The following TRIM49C variants were observed in gnomAD, a reference collection of about 807,000 sequenced individuals.
TRIM49C encodes tripartite motif-containing protein 49C.
In TRIM49C, 6 loss-of-function variants were observed where a neutral mutation model predicts 21.4. The observed-to-expected ratio is 0.28, with a 90% confidence interval of 0.15 to 0.55. The LOEUF is 0.55. TRIM49C is among the 20% of genes least tolerant of loss of function. The probability of loss-of-function intolerance (pLI) is 0.94; values close to 1 mark genes in which losing one functional copy is unlikely to be tolerated. For missense variants in TRIM49C, 161 were observed against 442.4 expected, an observed-to-expected ratio of 0.36 and a Z score of 5.71; for synonymous variants, 57 against 148.1, an observed-to-expected ratio of 0.38 and a Z score of 4.47.
At chr11:90,047,067 G>T in the TRIM49C span, among the ~76,000 whole-genome samples, 3 of 123,374 alleles carry the variant, frequency 2.4e-5, no homozygotes, top group Non-Finnish European at 4.9e-5. Context: ...TTTCCATGTA[G>T]TTGAGCGGTT....
chr11:90,031,976 A>C lies in TRIM49C; in HGVS notation c.-190-421A>C, dbSNP rs1194002004. Among the ~76,000 whole-genome samples, 2 of 135,948 alleles carry C rather than the reference A, an allele frequency of 1.5e-5. 1 individual carries two copies. The highest frequency in any genetic ancestry group is 3.2e-5 in the Non-Finnish European group (2 of 62,816). The allele number at this position is 135,948 out of a possible 152,430, so 89.2% of individuals were successfully genotyped here. A position where few individuals can be genotyped will look rare whatever the true frequency, so the allele number is the denominator to read the frequency against. On this transcript the variant is annotated intron_variant, in intron 1 of 7. Coordinates refer to ENST00000448984, the MANE Select transcript of TRIM49C (RefSeq NM_001195234.1). ...TACACTGACGTTACCAAAAATTTCAACAAAAAAAATTAGCCAGGTGATATA... is the reference window on the plus strand; with the variant it reads ...TACACTGACGTTACCAAAAATTTCACCAAAAAAAATTAGCCAGGTGATATA...
downstream of TRIM49C, among the ~76,000 whole-genome samples, chr11:90,043,223 C>T (rs1485104281): frequency 2.1e-5 from 3 of 145,338 alleles, no homozygotes; most frequent in African/African-American, 7.5e-5. Context: ...CCAGGAGTTC[C>T]AGACCAGTGG....
the TRIM49C span, among the ~76,000 whole-genome samples, chr11:90,070,724 T>C: frequency 2.1e-5 from 3 of 141,076 alleles, no homozygotes; most frequent in African/African-American, 5.1e-5. Flanking sequence ...GCAGTGATAG[T>C]ATGTGGTAAT....
At chr11:90,043,160 C>A (rs1950780910), downstream of TRIM49C, among the ~76,000 whole-genome samples, 1 of 144,040 alleles carries the variant, frequency 6.9e-6, no homozygotes, top group Non-Finnish European at 1.5e-5. Context: ...CATGGTGGCA[C>A]ACACCTCCAA....
At chr11:90,071,413 C>A in the TRIM49C span, among the ~76,000 whole-genome samples, 6,310 of 140,704 alleles carry the variant, frequency 0.045, 1,059 homozygotes, top group Non-Finnish European at 0.065. Flanking sequence ...GAGTTCAATG[C>A]AGGAGTTGCT....
the TRIM49C span, chr11:90,057,775 G>C: frequency 9.0e-7 from 1 of 1,114,446 alleles, no homozygotes; most frequent in Non-Finnish European, 1.2e-6. Context: ...ATTAAAGGTG[G>C]AGAGTTGGTG....
downstream of TRIM49C, among the ~76,000 whole-genome samples, chr11:90,046,232 A>G (rs1950800693): frequency 8.0e-6 from 1 of 125,736 alleles, no homozygotes; most frequent in African/African-American, 3.2e-5. Flanking sequence ...ATATTGGTCT[A>G]AAATTCTCTT....
chr11:90,073,142 A>G, the TRIM49C span: 3 of 1,067,710 alleles, frequency 2.8e-6, no homozygotes, highest in Admixed American at 2.3e-5. Flanking sequence ...GAATAGCACA[A>G]TGTTTAACTC....
chr11:90,052,992 AG>A, the TRIM49C span: 2 of 140,426 alleles, frequency 1.4e-5, no homozygotes, highest in Admixed American at 7.7e-5. Flanking sequence ...CCTACTGAGA[AG>A]GGTTCCTGGC....
At chr11:90,065,910 A>C in the TRIM49C span, among the ~76,000 whole-genome samples, 115 of 135,840 alleles carry the variant, frequency 8.5e-4, 5 homozygotes, top group African/African-American at 2.9e-3. Flanking sequence ...GAGCCGAGAT[A>C]GCACCACTGC....
At chr11:90,056,328 T>C in the TRIM49C span, among the ~76,000 whole-genome samples, 1 of 128,948 alleles carries the variant, frequency 7.8e-6, no homozygotes, top group Non-Finnish European at 1.7e-5. Flanking sequence ...TTTATACCAC[T>C]TTATGCTTAG....
the TRIM49C span, chr11:90,071,121 G>C: frequency 4.1e-6 from 2 of 492,370 alleles, 1 homozygote; most frequent in Non-Finnish European, 8.0e-6. Flanking sequence ...TAAAGGAGTC[G>C]TTTTCTCTCT....
In TRIM49C at chr11:90,041,286, G is replaced by T; in HGVS notation, c.1095G>T (p.Lys365Asn). 1 of 1,588,552 alleles carries T rather than the reference G, an allele frequency of 6.3e-7. No homozygotes were observed. The highest frequency in any genetic ancestry group is 1.1e-5 in the South Asian group (1 of 88,254). The part of the protein sequence containing the change: ...FGVCNMYRKE[K>N]NQNEKIDGKE... ...TCTGTAATATGTATCGGAAGGAGAA[G>T]AATCAGAATGAGAAGATAGATGGAA... The change falls in exon 8 of 8, where the codon AAG becomes AAT. Residue 365 changes from lysine to asparagine, a missense_variant. Physicochemically the swap from Lys to Asn is moderately conservative, Grantham distance 94 (BLOSUM62 0). This residue lies in a region of TRIM49C where 63 missense variants were observed against 67.6 expected (regional missense o/e 0.93). Transcript: ENST00000448984.
the TRIM49C span, among the ~76,000 whole-genome samples, chr11:90,056,911 G>A: frequency 6.8e-6 from 1 of 147,168 alleles, no homozygotes; most frequent in African/African-American, 2.6e-5. Flanking sequence ...TAATAACTAG[G>A]ATGTTGAGAA....
the TRIM49C span, among the ~76,000 whole-genome samples, chr11:90,070,926 T>C: frequency 7.1e-6 from 1 of 140,094 alleles, no homozygotes; most frequent in African/African-American, 2.6e-5. Flanking sequence ...CCCTAGTAGC[T>C]GGGACTAAAA....
downstream of TRIM49C, among the ~76,000 whole-genome samples, chr11:90,043,809 G>C (rs1431431415): frequency 8.4e-6 from 1 of 119,690 alleles, no homozygotes; most frequent in Non-Finnish European, 1.7e-5. Context: ...TTAAGTTCTA[G>C]GGTACATGTG....
Position 90,037,059 on chromosome 11 carries a change from G to A in TRIM49C, c.508-690G>A, listed in dbSNP as rs1351112978. On this transcript the variant is annotated intron_variant, in intron 4 of 7. Coordinates refer to ENST00000448984, the MANE Select transcript of TRIM49C (RefSeq NM_001195234.1). ...TGTGTATATGTATGTATGTGTGTGT[G>A]GTTGTGTGTATATATGTATGTATGT... Among the ~76,000 whole-genome samples, 3 of 75,910 alleles carry A rather than the reference G, an allele frequency of 4.0e-5. 1 individual carries two copies. Among genetic ancestry groups the A allele is most frequent in the Admixed American group, 4.3e-4 (2 of 4,668 alleles). The allele number at this position is 75,910 out of a possible 152,430, so 49.8% of individuals were successfully genotyped here.
chr11:90,039,318 G>A (rs2134821092), intron 6 of TRIM49C, among the ~76,000 whole-genome samples: 1 of 129,794 alleles, frequency 7.7e-6, no homozygotes, highest in Non-Finnish European at 1.6e-5. Flanking sequence ...GGAGAGAAGA[G>A]GAGGAAGTAT....
chr11:90,063,280 T>G, the TRIM49C span, among the ~76,000 whole-genome samples: 3 of 126,540 alleles, frequency 2.4e-5, 1 homozygote, highest in African/African-American at 9.6e-5. Flanking sequence ...GGTGTGGGAT[T>G]TGCATGTAAC....
Sources: gnomAD v4.1 joint callset for allele counts (sites outside exome capture counted in the v4.1 genomes callset) on GRCh38, gnomAD v4.1.1 for gene constraint, gnomAD v4.1.1 regional missense constraint, MANE v1.5 for transcripts, NCBI Gene and HGNC (gene_info 2026-07-23, HGNC 2026-07-21) for gene names.